The following GTF2IRD1 variants were observed in gnomAD, a reference collection of about 807,000 sequenced individuals.
GTF2IRD1 encodes GTF2I repeat domain containing 1.
In GTF2IRD1, 26 loss-of-function variants were observed where a neutral mutation model predicts 113.2. The ratio of observed to expected loss-of-function variants is 0.23; its 90% CI spans 0.17 to 0.32. The LOEUF (loss-of-function observed/expected upper bound fraction) is 0.32, where lower values mean the gene tolerates loss of function less well. Among genes scored for constraint, GTF2IRD1 ranks in the 10% least tolerant of loss-of-function variants. The pLI is 1.00. For missense variants in GTF2IRD1, 864 were observed against 1,280.8 expected, an observed-to-expected ratio of 0.67 and a Z score of 4.97; for synonymous variants, 484 against 529.1, an observed-to-expected ratio of 0.91 and a Z score of 1.17.
At chr7:74,547,022 C>A in intron 16 of GTF2IRD1, 81 bp from the exon 17 acceptor site, 1 of 1,332,552 alleles carries the variant, frequency 7.5e-7, no homozygotes, top group Non-Finnish European at 1.0e-6. Flanking sequence ...GCTTTGCCCC[C>A]CGACACAGGC....
chr7:74,521,032 G>A (rs193092790), intron 6 of GTF2IRD1, among the ~76,000 whole-genome samples, 176 bp from the exon 7 acceptor site: 70 of 152,082 alleles, frequency 4.6e-4, no homozygotes, highest in African/African-American at 1.3e-3. Context: ...GGTGCAGAAT[G>A]TCTTAGACCT....
chr7:74,551,805 G>A lies in GTF2IRD1; in HGVS notation c.1917-3369G>A, dbSNP rs587681425. On this transcript the variant is annotated intron_variant, in intron 17 of 26. Coordinates refer to ENST00000424337, the MANE Select transcript of GTF2IRD1 (RefSeq NM_005685.4). ...GCAAAAATTAGCCGGGTGTGGTGGC[G>A]TGTGCCTGTAATCCCAGCTACTCGG... 4.6e-4 allele frequency among the ~76,000 whole-genome samples: 70 copies of A among 152,172 alleles called. 1 individual carries two copies. In the South Asian group the frequency reaches 4.8e-3, roughly 10 times the overall value.
chr7:74,515,691 G>T, intron 4 of GTF2IRD1, 95 bp downstream of exon 4: 2 of 1,120,834 alleles, frequency 1.8e-6, no homozygotes, highest in South Asian at 1.6e-5. Flanking sequence ...CCCACTATGG[G>T]CCCTGGGCAA....
intron 2 of GTF2IRD1, among the ~76,000 whole-genome samples, chr7:74,511,879 C>T (rs531943858): frequency 4.6e-5 from 7 of 152,330 alleles, no homozygotes; most frequent in African/African-American, 1.4e-4. Context: ...GGACCCCCTA[C>T]ATTAAGGCCT....
intron 7 of GTF2IRD1, among the ~76,000 whole-genome samples, chr7:74,522,604 C>T (rs587656800): frequency 3.9e-4 from 60 of 152,316 alleles, no homozygotes; most frequent in African/African-American, 1.3e-3. Context: ...CCCCCAACAA[C>T]AACCCAACCT....
chr7:74,599,670 A>G (rs1463062637), intron 25 of GTF2IRD1, among the ~76,000 whole-genome samples: 1 of 152,162 alleles, frequency 6.6e-6, no homozygotes, highest in Admixed American at 6.6e-5. Context: ...AGTGATAACC[A>G]TAGCAATACA....
In GTF2IRD1 at chr7:74,586,257, C is replaced by T. The variant is rs1295919027; in HGVS notation, c.2321-3594C>T. On this transcript the variant is annotated intron_variant, in intron 22 of 26. Coordinates refer to ENST00000424337, the MANE Select transcript of GTF2IRD1 (RefSeq NM_005685.4). ...GGTCCTTGGGCCCAGGACTCCATCA[C>T]TGTTGTCTGCATGGATTTGGACAAG... 1.8e-4 allele frequency among the ~76,000 whole-genome samples: 27 copies of T among 152,192 alleles called. 1 individual carries two copies. Among genetic ancestry groups the T allele is most frequent in the Middle Eastern group, 3.2e-3 (1 of 316 alleles).
At position 74,602,530 on chromosome 7, in the gene GTF2IRD1, T is replaced by G; in HGVS notation, c.*97T>G. The G allele has an allele frequency of 1.0e-6, 1 of 973,292 alleles. No individual in the cohort carries two copies. Among genetic ancestry groups the G allele is most frequent in the African/African-American group, 1.6e-5 (1 of 61,780 alleles). 60.3% of individuals were successfully genotyped at this position (973,292 alleles called of 1,614,324 possible). A position where few individuals can be genotyped will look rare whatever the true frequency, so the allele number is the denominator to read the frequency against. ...CGGATATGTATCGATGCCTTTTAGTTTTTCCAATGATTTTTACACTATATT... is the reference window on the plus strand; with the variant it reads ...CGGATATGTATCGATGCCTTTTAGTGTTTCCAATGATTTTTACACTATATT... On this transcript the variant is annotated 3_prime_UTR_variant, in exon 27 of 27. Coordinates refer to ENST00000424337, the MANE Select transcript of GTF2IRD1 (RefSeq NM_005685.4).
intron 1 of GTF2IRD1, among the ~76,000 whole-genome samples, chr7:74,504,600 C>T (rs1796205960): frequency 6.6e-6 from 1 of 152,040 alleles, no homozygotes; most frequent in Admixed American, 6.6e-5. Flanking sequence ...CCCCGCTGTG[C>T]ACTGGCTGAG....
At chr7:74,560,347 G>A (rs1321281232) in intron 22 of GTF2IRD1, among the ~76,000 whole-genome samples, 1 of 151,944 alleles carries the variant, frequency 6.6e-6, no homozygotes, top group African/African-American at 2.4e-5. Flanking sequence ...AGAAGGAGGG[G>A]TGTCTGCATG....
chr7:74,531,140 A>T (rs1279885754), intron 9 of GTF2IRD1, among the ~76,000 whole-genome samples: 2 of 151,616 alleles, frequency 1.3e-5, no homozygotes, highest in African/African-American at 4.8e-5. Context: ...GGAGGCCAGG[A>T]TGAGTGGATC....
chr7:74,586,438 T>C (rs1801723713), intron 22 of GTF2IRD1, among the ~76,000 whole-genome samples: 1 of 152,044 alleles, frequency 6.6e-6, no homozygotes, highest in Non-Finnish European at 1.5e-5. Flanking sequence ...GAGGAGGACG[T>C]TGTCTGGAAT....
intron 22 of GTF2IRD1, among the ~76,000 whole-genome samples, chr7:74,562,808 C>A (rs1554359538): frequency 6.6e-6 from 1 of 151,978 alleles, no homozygotes; most frequent in Admixed American, 6.6e-5. Flanking sequence ...GAACTCCTGG[C>A]CAGCCTCAAG....
At chr7:74,571,516 G>A (rs781952335) in intron 22 of GTF2IRD1, among the ~76,000 whole-genome samples, 3 of 152,170 alleles carry the variant, frequency 2.0e-5, no homozygotes, top group African/African-American at 4.8e-5. Flanking sequence ...TCCCCACATC[G>A]TCTCCTCTGT....
chr7:74,495,790 G>T (rs891744555), intron 1 of GTF2IRD1, among the ~76,000 whole-genome samples: 4 of 152,226 alleles, frequency 2.6e-5, no homozygotes, highest in African/African-American at 9.6e-5. Flanking sequence ...AGAGTGCAAG[G>T]CCCACCCAGG....
intron 8 of GTF2IRD1, among the ~76,000 whole-genome samples, chr7:74,526,023 G>A (rs1235093258): frequency 1.3e-5 from 2 of 152,128 alleles, no homozygotes; most frequent in Admixed American, 6.5e-5. Context: ...GCCCAGCCAC[G>A]CCTCCTCACT....
At chr7:74,519,296 C>G in intron 5 of GTF2IRD1, 113 bp from the exon 6 acceptor site, 1 of 674,420 alleles carries the variant, frequency 1.5e-6, no homozygotes, top group Non-Finnish European at 2.4e-6. Context: ...TCCTGCCCTC[C>G]TCATGGGGCT....
At position 74,545,751 on chromosome 7, in the gene GTF2IRD1, C is replaced by T. The variant is rs782191693; in HGVS notation, c.1674C>T (p.His558=). The T allele has an allele frequency of 2.1e-5, 34 of 1,612,274 alleles. No individual in the cohort carries two copies. The highest frequency in any genetic ancestry group is 2.0e-4 in the Middle Eastern group (1 of 5,054). Residue 558 remains histidine (H), a synonymous_variant, in exon 16 of 27, where the codon CAC becomes CAT. Transcript: ENST00000424337. The part of the protein sequence containing the change: ...RPEERPVEDS[H]GDVIRPLRKQ... The stretch of plus-strand genomic sequence containing the variant: ...CTGCCTTTTGCCTTCCAGACAGCCA[C>T]GGTGACGTGATCCGGCCCCTGCGGA...
At chr7:74,510,424 A>G (rs537446628) in intron 2 of GTF2IRD1, among the ~76,000 whole-genome samples, 36 of 150,590 alleles carry the variant, frequency 2.4e-4, no homozygotes, top group Non-Finnish European at 3.2e-4. Context: ...CTCCTGCCTC[A>G]GCCTCTGGAG....
Sources: allele counts gnomAD v4.1 joint callset (sites outside exome capture counted in the v4.1 genomes callset), GRCh38; gene constraint gnomAD v4.1.1; transcripts MANE v1.5; gene names NCBI Gene and HGNC (gene_info 2026-07-23, HGNC 2026-07-21).